Variants in GRID2 observed in about 807,000 individuals in gnomAD.
GRID2 encodes the protein glutamate receptor ionotropic, delta-2.
Under a neutral mutation model 114.8 loss-of-function variants are expected in GRID2, and 33 were observed. That is an observed-to-expected ratio of 0.29 (90% CI 0.22 to 0.38). GRID2 has a LOEUF of 0.38. Ranked by LOEUF, GRID2 falls within the 10% of genes least tolerant of loss-of-function variation. The pLI is 1.00. For synonymous variants in GRID2, 505 were observed against 449.9 expected, an observed-to-expected ratio of 1.12 and a Z score of -1.55; for missense variants, 1,184 against 1,257.7, an observed-to-expected ratio of 0.94 and a Z score of 0.89.
intron 14 of GRID2, among the ~76,000 whole-genome samples, chr4:93,683,001 TA>T (rs978288402): frequency 1.7e-4 from 26 of 151,876 alleles, no homozygotes; most frequent in African/African-American, 6.3e-4. Flanking sequence ...AACCCTAGGT[TA>T]AAAACTGAGG....
intron 4 of GRID2, among the ~76,000 whole-genome samples, chr4:93,152,273 C>T (rs1736804865): frequency 6.6e-6 from 1 of 152,062 alleles, no homozygotes; most frequent in Non-Finnish European, 1.5e-5. Context: ...GTAGACTTCA[C>T]CAGGTTTGGT....
intron 1 of GRID2, among the ~76,000 whole-genome samples, chr4:93,790,384 T>C (rs972375468): frequency 3.9e-5 from 6 of 151,986 alleles, no homozygotes; most frequent in African/African-American, 1.4e-4. Flanking sequence ...AAATAGAAAA[T>C]AGCGTAAAAT....
At chr4:93,365,101 TA>T (rs1262384240) in intron 8 of GRID2, among the ~76,000 whole-genome samples, 2 of 152,294 alleles carry the variant, frequency 1.3e-5, no homozygotes, top group African/African-American at 4.8e-5. Flanking sequence ...TTTCATTGTT[TA>T]AAGGCATTCA....
chr4:93,024,402 G>T (rs761579645), intron 2 of GRID2, among the ~76,000 whole-genome samples: 13 of 151,718 alleles, frequency 8.6e-5, no homozygotes, highest in Non-Finnish European at 1.9e-4. Context: ...TTTATTATGA[G>T]AACTTAAAAA....
intron 10 of GRID2, among the ~76,000 whole-genome samples, chr4:93,426,281 G>A (rs919639454): frequency 6.6e-5 from 10 of 152,130 alleles, no homozygotes; most frequent in Admixed American, 3.9e-4. Context: ...TATTAAAACC[G>A]TGCCCCTTCA....
intron 13 of GRID2, among the ~76,000 whole-genome samples, chr4:93,612,438 A>G (rs1039348936): frequency 7.2e-6 from 1 of 139,322 alleles, no homozygotes; most frequent in Non-Finnish European, 1.6e-5. Flanking sequence ...ATGATTTTGC[A>G]GCGGCTGGTA....
intron 12 of GRID2, among the ~76,000 whole-genome samples, chr4:93,504,495 G>A (rs1728435654): frequency 6.6e-6 from 1 of 152,004 alleles, no homozygotes; most frequent in Non-Finnish European, 1.5e-5. Context: ...GAACTCCACT[G>A]TAAGAATGTA....
chr4:93,115,314 G>C (rs953032895), intron 4 of GRID2, among the ~76,000 whole-genome samples: 1 of 151,084 alleles, frequency 6.6e-6, no homozygotes, highest in Non-Finnish European at 1.5e-5. Context: ...GGTTCAACAA[G>C]GTAATATCCT....
intron 1 of GRID2, among the ~76,000 whole-genome samples, chr4:92,401,847 C>T (rs1038624182): frequency 2.6e-5 from 4 of 152,122 alleles, no homozygotes; most frequent in Admixed American, 2.6e-4. Context: ...TGAAGTTTGC[C>T]ACATCAGTTG....
At chr4:93,733,274 C>A (rs1053882548) in intron 14 of GRID2, among the ~76,000 whole-genome samples, 4 of 152,214 alleles carry the variant, frequency 2.6e-5, no homozygotes, top group South Asian at 2.1e-4. Context: ...CTTGAAAAAA[C>A]CCCATAGGAG....
chr4:92,443,557 C>T (rs567839331), intron 1 of GRID2, among the ~76,000 whole-genome samples: 27 of 151,862 alleles, frequency 1.8e-4, no homozygotes, highest in African/African-American at 4.1e-4. Context: ...GATAAGAGGT[C>T]GGGACGTGGA....
chr4:92,812,293 T>C (rs1394913700), intron 2 of GRID2, among the ~76,000 whole-genome samples: 2 of 152,096 alleles, frequency 1.3e-5, no homozygotes, highest in African/African-American at 4.8e-5. Flanking sequence ...TATTGTAATA[T>C]AGATTATAAA....
At chr4:92,352,773 T>C (rs1300114888) in intron 1 of GRID2, among the ~76,000 whole-genome samples, 1 of 149,950 alleles carries the variant, frequency 6.7e-6, no homozygotes, top group Non-Finnish European at 1.5e-5. Context: ...AAATTTGTTG[T>C]TGTTGAGTAG....
rs976525672 is a variant in GRID2 at position 92,648,054 on chromosome 4, A to T, written c.244+57768A>T. 2.7e-5 allele frequency among the ~76,000 whole-genome samples: 4 copies of T among 149,722 alleles called. 1 individual carries two copies. The highest frequency in any genetic ancestry group is 2.0e-4 in the Admixed American group (3 of 15,058). ...TAAAATGAAGTTTCACTCATTGGGG[A>T]CATTTTTTATCCTGAAATTTTTGAT... is the stretch of plus-strand genomic sequence containing the variant. On this transcript the variant is annotated intron_variant, in intron 2 of 15. Coordinates refer to ENST00000282020, the MANE Select transcript of GRID2 (RefSeq NM_001510.4).
At chr4:92,773,628 A>T (rs1011603583) in intron 2 of GRID2, among the ~76,000 whole-genome samples, 2 of 151,884 alleles carry the variant, frequency 1.3e-5, no homozygotes, top group Admixed American at 6.6e-5. Context: ...AATATTATAT[A>T]AAAAATAGTT....
At chr4:93,184,066 A>G (rs1362668608) in intron 4 of GRID2, among the ~76,000 whole-genome samples, 2 of 152,180 alleles carry the variant, frequency 1.3e-5, no homozygotes, top group African/African-American at 4.8e-5. Context: ...CTTCCCAGTA[A>G]AAGTTCAACA....
At chr4:93,398,939 T>A (rs1765619487) in intron 9 of GRID2, among the ~76,000 whole-genome samples, 1 of 152,014 alleles carries the variant, frequency 6.6e-6, no homozygotes, top group Non-Finnish European at 1.5e-5. Flanking sequence ...ATTTATTTTC[T>A]ACAAGTGCCT....
intron 4 of GRID2, among the ~76,000 whole-genome samples, chr4:93,122,912 T>TTTTTTTG (rs1733926110): frequency 6.8e-6 from 1 of 147,588 alleles, no homozygotes; most frequent in Admixed American, 6.8e-5. Flanking sequence ...TTTTTTTTTT[T>TTTTTTTG]GATGAGAAAG....
At chr4:93,448,737 T>C (rs143962961) in intron 10 of GRID2, among the ~76,000 whole-genome samples, 1 of 151,178 alleles carries the variant, frequency 6.6e-6, no homozygotes, top group African/African-American at 2.4e-5. Context: ...AAATACTATA[T>C]ATCAGAATCT....
Sources: gnomAD v4.1 joint callset for allele counts (sites outside exome capture counted in the v4.1 genomes callset) on GRCh38, gnomAD v4.1.1 for gene constraint, MANE v1.5 for transcripts, NCBI Gene and HGNC (gene_info 2026-07-23, HGNC 2026-07-21) for gene names.